MARCHF1: variants seen among roughly 807,000 people sequenced by gnomAD.
The protein encoded by MARCHF1 is E3 ubiquitin-protein ligase MARCHF1.
In MARCHF1, 40 loss-of-function variants were observed where a neutral mutation model predicts 54.2. The ratio of observed to expected loss-of-function variants is 0.74; its 90% confidence interval spans 0.57 to 0.96. The LOEUF (loss-of-function observed/expected upper bound fraction) is 0.96, where lower values mean the gene tolerates loss of function less well. MARCHF1 is among the 40% of genes least tolerant of loss of function. The pLI, the probability that MARCHF1 is intolerant of heterozygous loss-of-function variation, is 0.00. For missense variants in MARCHF1, 586 were observed against 656.5 expected (o/e 0.89, Z 1.17); for synonymous variants, 236 against 236.3 (o/e 1.00, Z 0.01).
At chr4:163,876,876 A>G (rs1750300839) in intron 3 of MARCHF1, among the ~76,000 whole-genome samples, 1 of 152,188 alleles carries the variant, frequency 6.6e-6, no homozygotes, top group Non-Finnish European at 1.5e-5. Context: ...AACCATAAGA[A>G]GAAATATTGG....
intron 4 of MARCHF1, among the ~76,000 whole-genome samples, chr4:163,851,977 T>A (rs1207034880): frequency 6.6e-5 from 10 of 152,172 alleles, no homozygotes; most frequent in Non-Finnish European, 1.5e-4. Context: ...GTTAAGAAAC[T>A]GAGATTTGGG....
chr4:164,261,258 G>A (rs1579669938), intron 1 of MARCHF1, among the ~76,000 whole-genome samples: 1 of 151,942 alleles, frequency 6.6e-6, no homozygotes, highest in South Asian at 2.1e-4. Context: ...CCCAGTTTGT[G>A]GTACTTTATT....
At chr4:164,242,870 G>C (rs1238289047) in intron 1 of MARCHF1, among the ~76,000 whole-genome samples, 2 of 149,762 alleles carry the variant, frequency 1.3e-5, no homozygotes, top group Non-Finnish European at 3.0e-5. Flanking sequence ...CTGGAAGAAA[G>C]GGTATCAGCA....
chr4:164,302,703 C>T (rs976854365), intron 1 of MARCHF1, among the ~76,000 whole-genome samples: 2 of 151,588 alleles, frequency 1.3e-5, no homozygotes, highest in Non-Finnish European at 2.9e-5. Context: ...CATGGCAAAA[C>T]CCCATCTCTA....
intron 4 of MARCHF1, among the ~76,000 whole-genome samples, chr4:163,740,198 C>T (rs1197986543): frequency 6.6e-6 from 1 of 152,170 alleles, no homozygotes; most frequent in Non-Finnish European, 1.5e-5. Flanking sequence ...CCTAATCCCC[C>T]AACCTCCCAC....
rs888416069 is a variant in MARCHF1 at position 163,527,435 on chromosome 4, T to G, written c.*1313A>C. 15 of 152,088 alleles carry G rather than the reference T, an allele frequency of 9.9e-5. No homozygotes were observed. Among genetic ancestry groups the G allele is most frequent in the African/African-American group, 3.6e-4 (15 of 41,456 alleles). The allele number at this position is 152,088 out of a possible 1,614,324, so 9.4% of individuals were successfully genotyped here. A position where few individuals can be genotyped will look rare whatever the true frequency, so the allele number is the denominator to read the frequency against. On this transcript the variant is annotated 3_prime_UTR_variant, in exon 10 of 10. Coordinates refer to ENST00000514618, the MANE Select transcript of MARCHF1 (RefSeq NM_001394959.1). ...AATAAGCCTTACACATTTGATTTAA[T>G]AACAAAAATAGGTAATTTTATTCCC...
intron 1 of MARCHF1, among the ~76,000 whole-genome samples, chr4:164,352,840 C>G (rs1302543838): frequency 1.1e-5 from 1 of 93,598 alleles, no homozygotes; most frequent in African/African-American, 3.4e-5. Context: ...AGTCAAGACC[C>G]ATCAGTGTGC....
intron 1 of MARCHF1, among the ~76,000 whole-genome samples, chr4:164,215,651 T>C (rs1731909567): frequency 6.6e-6 from 1 of 152,142 alleles, no homozygotes; most frequent in South Asian, 2.1e-4. Flanking sequence ...GTCATTGCTT[T>C]AAGAACTTCA....
chr4:163,597,921 G>C (rs1388188762), intron 7 of MARCHF1, among the ~76,000 whole-genome samples: 1 of 152,114 alleles, frequency 6.6e-6, no homozygotes, highest in African/African-American at 2.4e-5. Context: ...CCAACCCTAT[G>C]ATTAATTTTA....
Position 164,140,288 on chromosome 4 carries a change from T to C in MARCHF1, c.-322-28626A>G, listed in dbSNP as rs80307659. Among the ~76,000 whole-genome samples, 164 of 151,534 alleles carry C rather than the reference T, an allele frequency of 1.1e-3. 1 individual carries two copies. In the East Asian group the frequency reaches 0.028, roughly 26 times the overall value. ...AACTGACCCAATTGTCCTATAGAAT[T>C]GATGTTTATCATTTCTTTTGAATAA... On this transcript the variant is annotated intron_variant, in intron 1 of 9. Coordinates refer to ENST00000514618, the MANE Select transcript of MARCHF1 (RefSeq NM_001394959.1).
intron 3 of MARCHF1, among the ~76,000 whole-genome samples, chr4:163,963,400 G>C (rs902899108): frequency 6.6e-6 from 1 of 151,916 alleles, no homozygotes; most frequent in Non-Finnish European, 1.5e-5. Context: ...ATTGAAAACC[G>C]ATGATACCGA....
At chr4:164,268,758 A>G (rs1357438752) in intron 1 of MARCHF1, among the ~76,000 whole-genome samples, 2 of 152,216 alleles carry the variant, frequency 1.3e-5, no homozygotes, top group East Asian at 3.9e-4. Flanking sequence ...GATATAAAAA[A>G]AGAATCACAC....
intron 1 of MARCHF1, among the ~76,000 whole-genome samples, chr4:164,291,569 C>A (rs1479258809): frequency 3.3e-5 from 5 of 151,956 alleles, no homozygotes; most frequent in Admixed American, 1.3e-4. Flanking sequence ...GTACAACCAT[C>A]AAAGAGTATG....
At chr4:163,902,681 T>C (rs539510932) in intron 3 of MARCHF1, among the ~76,000 whole-genome samples, 2 of 152,326 alleles carry the variant, frequency 1.3e-5, no homozygotes, top group East Asian at 3.9e-4. Context: ...AACTGAAGCT[T>C]AGTCTTTCTA....
chr4:163,655,693 C>A (rs1255866245), intron 5 of MARCHF1, among the ~76,000 whole-genome samples: 2 of 151,710 alleles, frequency 1.3e-5, no homozygotes, highest in African/African-American at 4.8e-5. Flanking sequence ...GAACTGAAAT[C>A]ATAACAAACA....
chr4:164,351,517 G>T (rs555138499), intron 1 of MARCHF1, among the ~76,000 whole-genome samples: 74 of 151,850 alleles, frequency 4.9e-4, no homozygotes, highest in Middle Eastern at 3.4e-3. Flanking sequence ...CACCTCACAC[G>T]GCAGGGTATT....
At chr4:163,914,645 G>T (rs1317051562) in intron 3 of MARCHF1, among the ~76,000 whole-genome samples, 2 of 152,078 alleles carry the variant, frequency 1.3e-5, no homozygotes, top group Non-Finnish European at 2.9e-5. Flanking sequence ...AATGAAAAAT[G>T]TCAAATATTT....
chr4:164,298,105 C>G (rs2111386142), intron 1 of MARCHF1, among the ~76,000 whole-genome samples: 1 of 152,122 alleles, frequency 6.6e-6, no homozygotes, highest in Non-Finnish European at 1.5e-5. Context: ...TTAAAAGACC[C>G]TGAGCTTCAT....
chr4:163,693,498 C>G (rs1231217143), intron 5 of MARCHF1, among the ~76,000 whole-genome samples: 1 of 151,296 alleles, frequency 6.6e-6, no homozygotes, highest in Non-Finnish European at 1.5e-5. Context: ...CTTGATGCCA[C>G]AGCAATAATA....
Sources: gnomAD v4.1 joint callset for allele counts (sites outside exome capture counted in the v4.1 genomes callset) on GRCh38, gnomAD v4.1.1 for gene constraint, MANE v1.5 for transcripts, NCBI Gene and HGNC (gene_info 2026-07-23, HGNC 2026-07-21) for gene names.